Variants in UBE2R2 observed in about 807,000 individuals in gnomAD.
UBE2R2 encodes ubiquitin conjugating enzyme E2 R2.
In UBE2R2, 1 loss-of-function variant was observed where a neutral mutation model predicts 27.8. The observed-to-expected ratio is 0.04, with a 90% CI of 0.01 to 0.17. The LOEUF (loss-of-function observed/expected upper bound fraction) is 0.17, where lower values mean the gene tolerates loss of function less well. UBE2R2 is among the 10% of genes least tolerant of loss of function. The probability of loss-of-function intolerance (pLI) is 1.00; values close to 1 mark genes in which losing one functional copy is unlikely to be tolerated. For missense variants in UBE2R2, 100 were observed against 291.0 expected, an observed-to-expected ratio of 0.34 and a Z score of 4.78; for synonymous variants, 106 against 113.3, an observed-to-expected ratio of 0.94 and a Z score of 0.41.
intron 2 of UBE2R2, among the ~76,000 whole-genome samples, chr9:33,890,439 C>T (rs529486121): frequency 7.2e-4 from 109 of 152,022 alleles, no homozygotes; most frequent in Middle Eastern, 3.4e-3. Context: ...TGGTGGCACG[C>T]GCCTGTAATC....
intron 1 of UBE2R2, among the ~76,000 whole-genome samples, chr9:33,866,352 T>A (rs1361599025): frequency 6.7e-6 from 1 of 150,374 alleles, no homozygotes; most frequent in East Asian, 2.0e-4. Context: ...AGTTCTCCTG[T>A]CTCAGCCTCC....
intron 1 of UBE2R2, among the ~76,000 whole-genome samples, chr9:33,834,119 C>T (rs1408763987): frequency 6.6e-6 from 1 of 151,508 alleles, no homozygotes. Flanking sequence ...CTCTAGAGTC[C>T]CACAGTAGTT....
chr9:33,916,664 C>T (rs376919103), intron 4 of UBE2R2, among the ~76,000 whole-genome samples: 316 of 152,330 alleles, frequency 2.1e-3, no homozygotes, highest in Middle Eastern at 3.4e-3. Flanking sequence ...CATGACATTC[C>T]GCCCACTAAG....
At chr9:33,882,835 T>A (rs1821758413) in intron 1 of UBE2R2, among the ~76,000 whole-genome samples, 2 of 152,208 alleles carry the variant, frequency 1.3e-5, no homozygotes, top group South Asian at 4.1e-4. Flanking sequence ...ATACCTGTAA[T>A]CCTAGCACTT....
intron 3 of UBE2R2, among the ~76,000 whole-genome samples, chr9:33,907,200 A>G (rs1451644045): frequency 6.6e-6 from 1 of 152,226 alleles, no homozygotes; most frequent in African/African-American, 2.4e-5. Context: ...ATAACCTCTG[A>G]CCAAAGATAA....
At chr9:33,828,996 A>G (rs750171062) in intron 1 of UBE2R2, among the ~76,000 whole-genome samples, 16 of 151,990 alleles carry the variant, frequency 1.1e-4, no homozygotes, top group Non-Finnish European at 2.1e-4. Flanking sequence ...CAGCCTCCCA[A>G]AGTTCTGGGA....
chr9:33,859,783 TGTGTGTGTGTGTGTGTGA>T (rs58885074), intron 1 of UBE2R2, among the ~76,000 whole-genome samples: 8,963 of 123,538 alleles, frequency 0.073, 365 homozygotes, highest in Non-Finnish European at 0.1. Context: ...TGTGTGTGTG[TGTGTGTGTGTGTGTGTGA>T]GAGAGAGAGA....
At chr9:33,909,507 T>G (rs545032033) in intron 3 of UBE2R2, among the ~76,000 whole-genome samples, 27 of 152,152 alleles carry the variant, frequency 1.8e-4, no homozygotes, top group African/African-American at 6.0e-4. Flanking sequence ...AAATAAAAAT[T>G]TAAAAGCACT....
At chr9:33,836,955 G>A (rs1820627555) in intron 1 of UBE2R2, among the ~76,000 whole-genome samples, 1 of 152,042 alleles carries the variant, frequency 6.6e-6, no homozygotes, top group African/African-American at 2.4e-5. Flanking sequence ...TGAAATTCAA[G>A]AATGTTCTAA....
intron 2 of UBE2R2, among the ~76,000 whole-genome samples, chr9:33,899,549 A>G (rs1822199027): frequency 6.6e-6 from 1 of 152,116 alleles, no homozygotes; most frequent in African/African-American, 2.4e-5. Flanking sequence ...TAATTTTTGT[A>G]TTTTTAGTAG....
At chr9:33,855,303 CATT>C (rs535269406) in intron 1 of UBE2R2, among the ~76,000 whole-genome samples, 15 of 151,762 alleles carry the variant, frequency 9.9e-5, no homozygotes, top group Non-Finnish European at 2.1e-4. Flanking sequence ...TTGTAGATAA[CATT>C]GTTGGATTTT....
intron 1 of UBE2R2, among the ~76,000 whole-genome samples, chr9:33,873,170 G>A (rs893250888): frequency 2.7e-4 from 23 of 86,208 alleles, no homozygotes; most frequent in African/African-American, 9.1e-4. Context: ...GCAAGACTCC[G>A]TCTTAAAAAA....
At chr9:33,908,375 T>G (rs1223168231) in intron 3 of UBE2R2, among the ~76,000 whole-genome samples, 1 of 152,162 alleles carries the variant, frequency 6.6e-6, no homozygotes, top group Non-Finnish European at 1.5e-5. Flanking sequence ...CAGCACTTGC[T>G]TGGTCTTATG....
intron 1 of UBE2R2, among the ~76,000 whole-genome samples, chr9:33,826,516 G>A (rs1820318136): frequency 6.6e-6 from 1 of 151,860 alleles, no homozygotes. Flanking sequence ...GGCTAACACG[G>A]TCAAACCCCG....
intron 1 of UBE2R2, among the ~76,000 whole-genome samples, chr9:33,857,376 T>G (rs1294542653): frequency 6.6e-6 from 1 of 152,140 alleles, no homozygotes. Context: ...TGGAGTGCGG[T>G]GGCACTATCT....
In UBE2R2 at chr9:33,918,410, C is replaced by T. The variant is rs1822709927; in HGVS notation, c.*1173C>T. Reference sequence around the variant, plus strand: ...ATCTGAACTTTTTTTCTCCTTTCAACATACTTAGGCTGTGGAGTGCAAGCA... The same window carrying T: ...ATCTGAACTTTTTTTCTCCTTTCAATATACTTAGGCTGTGGAGTGCAAGCA... On this transcript the variant is annotated 3_prime_UTR_variant, in exon 5 of 5. Coordinates refer to ENST00000263228, the MANE Select transcript of UBE2R2 (RefSeq NM_017811.4). 6.6e-6 allele frequency: 1 copy of T among 151,830 alleles called. No individual in the cohort carries two copies. Among genetic ancestry groups the T allele is most frequent in the African/African-American group, 2.4e-5 (1 of 41,300 alleles). 9.4% of individuals were successfully genotyped at this position (151,830 alleles called of 1,614,324 possible). A position where few individuals can be genotyped will look rare whatever the true frequency, so the allele number is the denominator to read the frequency against.
chr9:33,839,776 G>T (rs1204679512), intron 1 of UBE2R2, among the ~76,000 whole-genome samples: 1 of 152,092 alleles, frequency 6.6e-6, no homozygotes, highest in Non-Finnish European at 1.5e-5. Flanking sequence ...TGGGAAGATT[G>T]CTTGAGATCA....
chr9:33,882,999 G>A (rs1423055156), intron 1 of UBE2R2, among the ~76,000 whole-genome samples: 1 of 152,120 alleles, frequency 6.6e-6, no homozygotes, highest in African/African-American at 2.4e-5. Flanking sequence ...TGAGGCAGGA[G>A]AATCGCTTGA....
intron 1 of UBE2R2, among the ~76,000 whole-genome samples, chr9:33,826,506 G>A (rs1333853748): frequency 6.6e-6 from 1 of 151,800 alleles, no homozygotes. Flanking sequence ...AGACCATTCT[G>A]GCTAACACGG....
Sources: gnomAD v4.1 joint callset for allele counts (sites outside exome capture counted in the v4.1 genomes callset) on GRCh38, gnomAD v4.1.1 for gene constraint, MANE v1.5 for transcripts, NCBI Gene and HGNC (gene_info 2026-07-23, HGNC 2026-07-21) for gene names.